Variants in RNLS observed in about 807,000 individuals in gnomAD.
RNLS encodes the protein renalase.
Under a neutral mutation model 39.8 loss-of-function variants are expected in RNLS, and 39 were observed. The ratio of observed to expected loss-of-function variants is 0.98; its 90% CI spans 0.76 to 1.28. The LOEUF (loss-of-function observed/expected upper bound fraction) is 1.28. RNLS is among the 50% of genes most tolerant of loss of function. The pLI, the probability that RNLS is intolerant of heterozygous loss-of-function variation, is 0.00. For synonymous variants in RNLS, 147 were observed against 150.7 expected, an observed-to-expected ratio of 0.98 and a Z score of 0.18; for missense variants, 410 against 413.3, an observed-to-expected ratio of 0.99 and a Z score of 0.07.
intron 4 of RNLS, among the ~76,000 whole-genome samples, chr10:88,438,126 A>G (rs932222597): frequency 6.6e-6 from 1 of 150,766 alleles, no homozygotes; most frequent in Non-Finnish European, 1.5e-5. Flanking sequence ...AACTCCTAAA[A>G]AAAAAAAAAA....
downstream of RNLS, among the ~76,000 whole-genome samples, chr10:88,271,108 C>G (rs1209675947): frequency 6.6e-6 from 1 of 152,160 alleles, no homozygotes; most frequent in Non-Finnish European, 1.5e-5. Context: ...GTACTGGAGC[C>G]TGCCTTTGAT....
chr10:88,210,558 C>T, the RNLS span, among the ~76,000 whole-genome samples: 1 of 152,146 alleles, frequency 6.6e-6, no homozygotes, highest in Non-Finnish European at 1.5e-5. Flanking sequence ...GCATTTTGTC[C>T]CTCCTCTGCC....
At chr10:88,452,785 C>T (rs1349441033) in intron 4 of RNLS, among the ~76,000 whole-genome samples, 1 of 152,196 alleles carries the variant, frequency 6.6e-6, no homozygotes, top group African/African-American at 2.4e-5. Context: ...CATGGATCAT[C>T]AGGCACAGGT....
At chr10:88,385,727 TGGG>T (rs749722669) in intron 4 of RNLS, among the ~76,000 whole-genome samples, 1 of 152,138 alleles carries the variant, frequency 6.6e-6, no homozygotes, top group Admixed American at 6.6e-5. Context: ...TTCCTTCGGG[TGGG>T]GCCCTGTGGT....
At chr10:88,183,424 C>G in the RNLS span, among the ~76,000 whole-genome samples, 2 of 152,064 alleles carry the variant, frequency 1.3e-5, no homozygotes, top group Non-Finnish European at 2.9e-5. Flanking sequence ...AAATATATAA[C>G]TTTTCTATAA....
chr10:88,543,413 T>C (rs965849178), intron 4 of RNLS, among the ~76,000 whole-genome samples: 3 of 152,194 alleles, frequency 2.0e-5, no homozygotes, highest in African/African-American at 7.2e-5. Context: ...TAAAATTGGT[T>C]ATCAAGCAAT....
chr10:88,547,644 G>A (rs1848387165), intron 4 of RNLS, among the ~76,000 whole-genome samples: 1 of 152,154 alleles, frequency 6.6e-6, no homozygotes, highest in Admixed American at 6.5e-5. Context: ...ATGCTTAAAT[G>A]AGTCCCTAAA....
the RNLS span, among the ~76,000 whole-genome samples, chr10:88,217,532 C>T: frequency 0.012 from 1,855 of 151,904 alleles, 14 homozygotes; most frequent in Non-Finnish European, 0.018. Flanking sequence ...CAGGCTAACC[C>T]GGGTACACAT....
the RNLS span, among the ~76,000 whole-genome samples, chr10:88,180,855 A>G: frequency 6.6e-6 from 1 of 152,320 alleles, no homozygotes; most frequent in African/African-American, 2.4e-5. Context: ...CCTGTTTTTT[A>G]ATTTTAATGT....
At chr10:88,470,373 C>CA (rs1405136054) in intron 4 of RNLS, among the ~76,000 whole-genome samples, 1 of 152,102 alleles carries the variant, frequency 6.6e-6, no homozygotes, top group East Asian at 1.9e-4. Context: ...AAATGCCCAT[C>CA]AATGGTAGAC....
chr10:88,303,547 C>T (rs1195099370), intron 6 of RNLS, among the ~76,000 whole-genome samples: 1 of 152,218 alleles, frequency 6.6e-6, no homozygotes, highest in Non-Finnish European at 1.5e-5. Context: ...CTGCCCACTC[C>T]TTCCCTGTAC....
At chr10:88,517,777 T>A (rs1187164402) in intron 4 of RNLS, among the ~76,000 whole-genome samples, 1 of 151,928 alleles carries the variant, frequency 6.6e-6, no homozygotes, top group Non-Finnish European at 1.5e-5. Flanking sequence ...AATCTTTAAC[T>A]GAATAAATAT....
chr10:88,506,002 C>A (rs1326052556), intron 4 of RNLS, among the ~76,000 whole-genome samples: 1 of 152,100 alleles, frequency 6.6e-6, no homozygotes, highest in Non-Finnish European at 1.5e-5. Context: ...CCAACACAGA[C>A]CCCAGGAACT....
chr10:88,179,092 G>A, the RNLS span, among the ~76,000 whole-genome samples: 42 of 152,260 alleles, frequency 2.8e-4, no homozygotes, highest in African/African-American at 9.6e-4. Flanking sequence ...CTGCTCTCCT[G>A]GAACTTATGT....
chr10:88,467,891 GTATTT>G (rs959770030), intron 4 of RNLS, among the ~76,000 whole-genome samples: 2 of 152,148 alleles, frequency 1.3e-5, no homozygotes, highest in Admixed American at 1.3e-4. Context: ...GTCAGAATCT[GTATTT>G]TAACAAGATC....
intron 4 of RNLS, among the ~76,000 whole-genome samples, chr10:88,468,811 T>C (rs906585181): frequency 2.0e-5 from 3 of 152,092 alleles, no homozygotes; most frequent in African/African-American, 7.2e-5. Flanking sequence ...AGTAGAATGG[T>C]GAAATGGGCT....
intron 4 of RNLS, among the ~76,000 whole-genome samples, chr10:88,503,415 A>G (rs1022735808): frequency 7.9e-5 from 12 of 152,132 alleles, no homozygotes; most frequent in African/African-American, 2.9e-4. Context: ...AAAATAAATC[A>G]TTGTCCTCAA....
chr10:88,498,393 A>G (rs1845290139), intron 4 of RNLS, among the ~76,000 whole-genome samples: 1 of 151,550 alleles, frequency 6.6e-6, no homozygotes, highest in Non-Finnish European at 1.5e-5. Flanking sequence ...AGGGTCATGA[A>G]AGAAAAAGAA....
chr10:88,181,640 A>G, the RNLS span, among the ~76,000 whole-genome samples: 1 of 152,194 alleles, frequency 6.6e-6, no homozygotes, highest in African/African-American at 2.4e-5. Flanking sequence ...CAGTTTATTT[A>G]AGGGTAAGTA....
Sources: allele counts gnomAD v4.1 joint callset (sites outside exome capture counted in the v4.1 genomes callset), GRCh38; gene constraint gnomAD v4.1.1; transcripts MANE v1.5; gene names NCBI Gene and HGNC (gene_info 2026-07-23, HGNC 2026-07-21).